ZNF407: variants seen among roughly 807,000 people sequenced by gnomAD.
The protein encoded by ZNF407 is zinc finger protein 407.
A neutral mutation model predicts 131.2 loss-of-function variants in ZNF407; 17 were observed. That is an observed-to-expected ratio of 0.13 (90% CI 0.09 to 0.19). ZNF407 has a LOEUF of 0.19. ZNF407 is among the 10% of genes least tolerant of loss of function. The pLI, the probability that ZNF407 is intolerant of heterozygous loss-of-function variation, is 1.00. For missense variants in ZNF407, 2,681 were observed against 2,830.6 expected, an observed-to-expected ratio of 0.95 and a Z score of 1.20; for synonymous variants, 1,156 against 1,062.0, an observed-to-expected ratio of 1.09 and a Z score of -1.72.
chr18:75,056,713 C>A (rs1001094106), intron 8 of ZNF407, among the ~76,000 whole-genome samples: 9 of 152,292 alleles, frequency 5.9e-5, no homozygotes, highest in South Asian at 4.1e-4. Context: ...TGAATAAATT[C>A]TGGAGCAATT....
intron 4 of ZNF407, among the ~76,000 whole-genome samples, chr18:74,815,960 T>C (rs1036785404): frequency 2.6e-5 from 4 of 152,226 alleles, no homozygotes; most frequent in Non-Finnish European, 5.9e-5. Context: ...TCTGTGTTGT[T>C]CCAATCTCTA....
chr18:74,809,625 G>C (rs796583648), intron 4 of ZNF407, among the ~76,000 whole-genome samples: 2 of 152,152 alleles, frequency 1.3e-5, no homozygotes, highest in Non-Finnish European at 2.9e-5. Flanking sequence ...AAGAACTGGC[G>C]TATGGTTATA....
At chr18:74,965,352 A>T (rs1169250512) in intron 8 of ZNF407, among the ~76,000 whole-genome samples, 2 of 151,974 alleles carry the variant, frequency 1.3e-5, no homozygotes, top group African/African-American at 4.8e-5. Context: ...AACTGTCTCC[A>T]TGAGTTCAAT....
intron 8 of ZNF407, among the ~76,000 whole-genome samples, chr18:75,050,694 G>A (rs767851536): frequency 1.1e-4 from 16 of 152,152 alleles, no homozygotes; most frequent in Non-Finnish European, 1.9e-4. Context: ...AATGAACAAC[G>A]GATCAGTTTG....
Position 74,920,685 on chromosome 18 carries a change from G to A in ZNF407, c.5421G>A (p.Leu1807=), listed in dbSNP as rs772598132. ...PDIENPDLAY[L]HAGIVSKSYE... ...TCGAAAACCCGGACCTCGCTTACCT[G>A]CATGCTGGTAAGGGACAGAAACTGT... Residue 1807 remains leucine (L), a synonymous_variant, in exon 8 of 9, where the codon CTG becomes CTA. Transcript: ENST00000299687. The A allele has an allele frequency of 2.5e-6, 4 of 1,601,484 alleles. No homozygotes were observed. Among genetic ancestry groups the A allele is most frequent in the Non-Finnish European group, 3.4e-6 (4 of 1,169,966 alleles).
At chr18:74,990,419 T>C (rs1419142785) in intron 8 of ZNF407, among the ~76,000 whole-genome samples, 1 of 152,204 alleles carries the variant, frequency 6.6e-6, no homozygotes, top group African/African-American at 2.4e-5. Context: ...TTCCCTTAAA[T>C]TTCTGGATTT....
At chr18:74,712,594 G>A (rs1308440502) in intron 3 of ZNF407, among the ~76,000 whole-genome samples, 1 of 152,198 alleles carries the variant, frequency 6.6e-6, no homozygotes, top group African/African-American at 2.4e-5. Flanking sequence ...CATGAGAGGA[G>A]GCTGTCTCCC....
At chr18:74,816,078 T>A (rs1568228203) in intron 4 of ZNF407, among the ~76,000 whole-genome samples, 1 of 152,218 alleles carries the variant, frequency 6.6e-6, no homozygotes, top group Non-Finnish European at 1.5e-5. Flanking sequence ...CATGACTGAA[T>A]GTACAGGATA....
intron 4 of ZNF407, among the ~76,000 whole-genome samples, chr18:74,785,022 A>G (rs1969676879): frequency 6.6e-6 from 1 of 152,216 alleles, no homozygotes; most frequent in South Asian, 2.1e-4. Context: ...TGCTGTCAGG[A>G]CATATCTGCA....
chr18:74,856,030 T>A (rs999587216), intron 4 of ZNF407, among the ~76,000 whole-genome samples: 1 of 152,236 alleles, frequency 6.6e-6, no homozygotes, highest in East Asian at 1.9e-4. Context: ...GTCTTGGCGA[T>A]TAGAACTTTC....
intron 3 of ZNF407, among the ~76,000 whole-genome samples, chr18:74,710,627 C>T (rs1169177648): frequency 6.6e-6 from 1 of 152,166 alleles, no homozygotes; most frequent in East Asian, 1.9e-4. Context: ...CCACATCACC[C>T]ATCTTCTCTG....
rs537795344 is a variant in ZNF407 at position 74,600,394 on chromosome 18, G to A, written c.-54+2457G>A. On this transcript the variant is annotated intron_variant, in intron 1 of 8. Transcript: ENST00000299687. ...AAACTGCCACCTCTGTTGCTGGACTGTTGACTCTCTTCTACCACTGAAAAA... is the reference window on the plus strand; with the variant it reads ...AAACTGCCACCTCTGTTGCTGGACTATTGACTCTCTTCTACCACTGAAAAA... Among the ~76,000 whole-genome samples the A allele has an allele frequency of 2.0e-5, 3 of 152,300 alleles. No homozygotes were observed. In the East Asian group the frequency reaches 5.8e-4, roughly 29 times the overall value.
At position 74,725,969 on chromosome 18, in the gene ZNF407, T is replaced by A. The variant is rs935218718; in HGVS notation, c.4803-55459T>A. Among the ~76,000 whole-genome samples, 3 of 152,208 alleles carry A rather than the reference T, an allele frequency of 2.0e-5. No individual in the cohort carries two copies. The East Asian group carries it at 5.8e-4, about 29-fold the overall frequency. On this transcript the variant is annotated intron_variant, in intron 3 of 8. Coordinates refer to ENST00000299687, the MANE Select transcript of ZNF407 (RefSeq NM_017757.3). ...TATGACTGTGTAATGTTTTTGATAT[T>A]GCCTTGAGAGTTAGGGAGAATGGCA...
chr18:75,064,183 C>A lies in ZNF407; in HGVS notation c.6462C>A (p.Ala2154=). The A allele has an allele frequency of 6.2e-7, 1 of 1,604,688 alleles. No individual in the cohort carries two copies. The highest frequency in any genetic ancestry group is 2.3e-5 in the East Asian group (1 of 44,426). ...TCGTGACGGAGGAGCTGGTCCAGGC[C>A]ATGGTGCAGGAGTCCAGTGGCGGCT... ...QIIVTEELVQ[A]MVQESSGGFS... The change falls in exon 9 of 9, where the codon GCC becomes GCA. Residue 2154 remains alanine (A), a synonymous_variant. Transcript: ENST00000299687.
intron 4 of ZNF407, among the ~76,000 whole-genome samples, chr18:74,810,355 CT>C (rs35915370): frequency 0.64 from 94,133 of 147,004 alleles, 31,653 homozygotes; most frequent in East Asian, 0.95. Flanking sequence ...TGCACCTTTG[CT>C]TTTTTTTTTT....
chr18:74,763,624 A>AG lies in ZNF407; in HGVS notation c.4803-17804_4803-17803insG, dbSNP rs1165619817. Among the ~76,000 whole-genome samples, 16 of 151,742 alleles carry AG rather than the reference A, an allele frequency of 1.1e-4. No homozygotes were observed. The East Asian group carries it at 3.1e-3, about 29-fold the overall frequency. On this transcript the variant is annotated intron_variant, in intron 3 of 8. Coordinates refer to ENST00000299687, the MANE Select transcript of ZNF407 (RefSeq NM_017757.3). Reference sequence around the variant, plus strand: ...CTACTACAAGTGTGTAAGGTATAAAATGAAGGTAGTTAACATTTTTTTGTA... The same window carrying AG: ...CTACTACAAGTGTGTAAGGTATAAAAGTGAAGGTAGTTAACATTTTTTTGTA...
At position 75,004,758 on chromosome 18, in the gene ZNF407, T is replaced by A. The variant is rs931381745; in HGVS notation, c.5429-58392T>A. Among the ~76,000 whole-genome samples, 5 of 152,346 alleles carry A rather than the reference T, an allele frequency of 3.3e-5. No individual in the cohort carries two copies. The East Asian group carries it at 9.7e-4, about 29-fold the overall frequency. On this transcript the variant is annotated intron_variant, in intron 8 of 8. Transcript: ENST00000299687. ...GTTTTTCTTCAGCCGTCATCAACCATCATTTTTCAACCCTGTGTTTCTGTT... is the reference window on the plus strand; with the variant it reads ...GTTTTTCTTCAGCCGTCATCAACCAACATTTTTCAACCCTGTGTTTCTGTT...
intron 8 of ZNF407, among the ~76,000 whole-genome samples, chr18:75,027,045 C>T (rs2122214258): frequency 6.6e-6 from 1 of 152,318 alleles, no homozygotes; most frequent in African/African-American, 2.4e-5. Context: ...AGTATGTGGC[C>T]TGCGATGGAG....
intron 8 of ZNF407, among the ~76,000 whole-genome samples, chr18:75,037,738 A>G (rs2122234840): frequency 6.6e-6 from 1 of 152,246 alleles, no homozygotes; most frequent in South Asian, 2.1e-4. Context: ...TTTGCCATGA[A>G]AGACTGCGAT....
Sources: allele counts gnomAD v4.1 joint callset (sites outside exome capture counted in the v4.1 genomes callset), GRCh38; gene constraint gnomAD v4.1.1; transcripts MANE v1.5; gene names NCBI Gene and HGNC (gene_info 2026-07-23, HGNC 2026-07-21).